Variants in FNDC3B observed in about 807,000 individuals in gnomAD.
The protein encoded by FNDC3B is fibronectin type III domain-containing protein 3B.
A neutral mutation model predicts 151.5 loss-of-function variants in FNDC3B; 12 were observed. The observed-to-expected ratio is 0.08, with a 90% CI of 0.05 to 0.13. The LOEUF is 0.13. Ranked by LOEUF, FNDC3B falls within the 10% of genes least tolerant of loss-of-function variation. FNDC3B has a pLI of 1.00. For missense variants in FNDC3B, 1,214 were observed against 1,505.3 expected, an observed-to-expected ratio of 0.81 and a Z score of 3.20; for synonymous variants, 528 against 549.0, an observed-to-expected ratio of 0.96 and a Z score of 0.54.
At chr3:172,127,120 T>A (rs750225923) in intron 2 of FNDC3B, 41 of 454,428 alleles carry the variant, frequency 9.0e-5, no homozygotes, top group Admixed American at 4.8e-5. Context: ...TGGTAAAAAA[T>A]TTTTCTTGAG....
chr3:172,063,812 A>T (rs1717348220), intron 1 of FNDC3B, among the ~76,000 whole-genome samples: 2 of 152,162 alleles, frequency 1.3e-5, no homozygotes, highest in African/African-American at 4.8e-5. Context: ...ACAGTTTTTC[A>T]TCAGGATGAG....
chr3:172,049,072 G>T (rs1291544100), intron 1 of FNDC3B, among the ~76,000 whole-genome samples: 1 of 152,150 alleles, frequency 6.6e-6, no homozygotes, highest in African/African-American at 2.4e-5. Flanking sequence ...TGTATGTAAT[G>T]CCACTAAGTT....
At chr3:172,389,490 AT>A (rs2108387693) in intron 25 of FNDC3B, among the ~76,000 whole-genome samples, 1 of 152,348 alleles carries the variant, frequency 6.6e-6, no homozygotes, top group East Asian at 1.9e-4. Flanking sequence ...AAGTTTTAAT[AT>A]TTGGATCACT....
chr3:172,158,038 G>A (rs1722583551), intron 3 of FNDC3B, among the ~76,000 whole-genome samples: 1 of 152,160 alleles, frequency 6.6e-6, no homozygotes, highest in African/African-American at 2.4e-5. Flanking sequence ...GACACATGGA[G>A]GGGTGCCATC....
At chr3:172,051,688 G>T (rs7610377) in intron 1 of FNDC3B, among the ~76,000 whole-genome samples, 11,803 of 152,140 alleles carry the variant, frequency 0.078, 1,213 homozygotes, top group African/African-American at 0.24. Context: ...GCCTATATTT[G>T]AGGCATTTTT....
chr3:172,091,124 C>T (rs564495925), intron 1 of FNDC3B, among the ~76,000 whole-genome samples: 96 of 152,134 alleles, frequency 6.3e-4, no homozygotes, highest in Non-Finnish European at 1.0e-3. Flanking sequence ...AAAACAAGGA[C>T]GGGCTTGGGG....
At chr3:172,199,264 C>T (rs1198754977) in intron 3 of FNDC3B, among the ~76,000 whole-genome samples, 1 of 151,480 alleles carries the variant, frequency 6.6e-6, no homozygotes, top group East Asian at 1.9e-4. Flanking sequence ...TCTGCAGGCT[C>T]CGCCTCCCGG....
chr3:172,208,736 G>GCTGTGCT (rs61286698), intron 3 of FNDC3B, among the ~76,000 whole-genome samples: 135,454 of 151,932 alleles, frequency 0.89, 60,682 homozygotes, highest in African/African-American at 0.95. Flanking sequence ...CCTGGATCAG[G>GCTGTGCT]CAGCACCACC....
chr3:172,306,006 C>T (rs1013893996), intron 9 of FNDC3B, among the ~76,000 whole-genome samples: 1 of 152,114 alleles, frequency 6.6e-6, no homozygotes, highest in African/African-American at 2.4e-5. Flanking sequence ...TGCTGTCCTC[C>T]CATAAGGCAA....
At chr3:172,310,108 A>G (rs144276753) in intron 10 of FNDC3B, among the ~76,000 whole-genome samples, 7 of 152,282 alleles carry the variant, frequency 4.6e-5, no homozygotes, top group Non-Finnish European at 8.8e-5. Context: ...CTAATGCTCC[A>G]AGAGACCCCA....
At chr3:172,098,211 A>C (rs937511) in intron 1 of FNDC3B, among the ~76,000 whole-genome samples, 74,621 of 151,964 alleles carry the variant, frequency 0.49, 19,798 homozygotes, top group East Asian at 0.6. Context: ...ACTTCCTTAC[A>C]TGCTCAAGTA....
chr3:172,257,367 C>T (rs1041589420), intron 6 of FNDC3B, among the ~76,000 whole-genome samples: 3 of 152,042 alleles, frequency 2.0e-5, no homozygotes, highest in African/African-American at 4.8e-5. Flanking sequence ...TTTAAATAAT[C>T]GGCGTTCTGG....
chr3:172,364,738 A>G (rs1466594419), intron 23 of FNDC3B, among the ~76,000 whole-genome samples: 2 of 152,242 alleles, frequency 1.3e-5, no homozygotes, highest in East Asian at 3.9e-4. Flanking sequence ...TGCAGAATCT[A>G]GTAATCAATA....
intron 3 of FNDC3B, among the ~76,000 whole-genome samples, chr3:172,191,365 G>A (rs1724498945): frequency 6.6e-6 from 1 of 152,186 alleles, no homozygotes; most frequent in African/African-American, 2.4e-5. Flanking sequence ...AGTACCATCA[G>A]AACTGATAGT....
intron 6 of FNDC3B, among the ~76,000 whole-genome samples, chr3:172,261,111 A>G (rs970410795): frequency 6.6e-6 from 1 of 152,088 alleles, no homozygotes; most frequent in East Asian, 1.9e-4. Context: ...ACACCTGGCA[A>G]CTTGTACACC....
intron 3 of FNDC3B, among the ~76,000 whole-genome samples, chr3:172,216,190 C>T (rs1725968046): frequency 6.6e-6 from 1 of 152,132 alleles, no homozygotes; most frequent in Admixed American, 6.5e-5. Context: ...AGGGACTTTA[C>T]TTGTTAAATA....
chr3:172,093,941 G>T (rs1021298866), intron 1 of FNDC3B, among the ~76,000 whole-genome samples: 1 of 152,186 alleles, frequency 6.6e-6, no homozygotes. Context: ...TACAGCTCAT[G>T]CATTTAAGGT....
intron 3 of FNDC3B, among the ~76,000 whole-genome samples, chr3:172,187,568 C>G (rs1724254558): frequency 6.6e-6 from 1 of 152,222 alleles, no homozygotes; most frequent in South Asian, 2.1e-4. Flanking sequence ...TATCCAGTTA[C>G]TTCTACAACT....
intron 3 of FNDC3B, among the ~76,000 whole-genome samples, chr3:172,174,922 T>TCCCCCCCCCCCC (rs1560001415): frequency 5.0e-5 from 2 of 40,130 alleles, no homozygotes; most frequent in African/African-American, 1.6e-4. Flanking sequence ...TTTGGAGACC[T>TCCCCCCCCCCCC]TCCCCCCGCC....
Sources: gnomAD v4.1 joint callset for allele counts (sites outside exome capture counted in the v4.1 genomes callset) on GRCh38, gnomAD v4.1.1 for gene constraint, MANE v1.5 for transcripts, NCBI Gene and HGNC (gene_info 2026-07-23, HGNC 2026-07-21) for gene names.